The following LRRC9 variants were observed in gnomAD, a reference collection of about 807,000 sequenced individuals.
LRRC9 encodes leucine rich repeat containing 9, also known as leucine-rich repeat-containing protein 9.
LRRC9 carries 122 observed loss-of-function variants against 63.2 expected under a neutral mutation model. The ratio of observed to expected loss-of-function variants is 1.93; its 90% CI spans 1.67 to 2.24. The LOEUF (loss-of-function observed/expected upper bound fraction) is 2.24. Among genes scored for constraint, LRRC9 ranks in the 30% most tolerant of loss-of-function variants. The probability of loss-of-function intolerance (pLI) is 0.00; values close to 1 mark genes in which losing one functional copy is unlikely to be tolerated. For missense variants in LRRC9, 1,071 were observed against 627.7 expected (o/e 1.71, Z -7.55); for synonymous variants, 366 against 213.1 (o/e 1.72, Z -6.25).
chr14:60,064,842 TAA>T (rs1185138255), downstream of LRRC9, among the ~76,000 whole-genome samples: 2 of 152,194 alleles, frequency 1.3e-5, no homozygotes, highest in Non-Finnish European at 1.5e-5. Context: ...ACTTTTATAA[TAA>T]AAAGTGTCTT....
chr14:59,926,829 A>AT (rs1889249093), intron 1 of LRRC9, among the ~76,000 whole-genome samples: 1 of 152,156 alleles, frequency 6.6e-6, no homozygotes, highest in South Asian at 2.1e-4. Context: ...CCCCAAAGAA[A>AT]TTTGTAGCTA....
At chr14:59,967,113 T>C in exon 12 of LRRC9, 1 of 650,196 alleles carries the variant, frequency 1.5e-6, no homozygotes, top group Non-Finnish European at 2.9e-6. Flanking sequence ...CGAAGGATGC[T>C]GGAATGCCTT....
intron 29 of LRRC9, among the ~76,000 whole-genome samples, chr14:60,050,500 T>C (rs1893802625): frequency 6.6e-6 from 1 of 152,192 alleles, no homozygotes; most frequent in Non-Finnish European, 1.5e-5. Flanking sequence ...TTCTTTGCAT[T>C]GGGTTACAAC....
At chr14:59,975,046 T>TATATATAG (rs1354949976) in intron 13 of LRRC9, among the ~76,000 whole-genome samples, 2 of 49,404 alleles carry the variant, frequency 4.0e-5, no homozygotes, top group Non-Finnish European at 1.5e-4. Context: ...TATATATATA[T>TATATATAG]ATATATGCTG....
intron 19 of LRRC9, among the ~76,000 whole-genome samples, chr14:60,001,431 A>C (rs1468253999): frequency 6.6e-6 from 1 of 152,182 alleles, no homozygotes; most frequent in Non-Finnish European, 1.5e-5. Flanking sequence ...AGCTTAGATG[A>C]ATCTGATGAA....
chr14:60,064,743 A>T (rs1894840548), downstream of LRRC9, among the ~76,000 whole-genome samples: 1 of 152,198 alleles, frequency 6.6e-6, no homozygotes, highest in Non-Finnish European at 1.5e-5. Context: ...GTGTTGTGAC[A>T]GTCTACTCTT....
intron 3 of LRRC9, among the ~76,000 whole-genome samples, chr14:59,929,003 T>G (rs533752155): frequency 6.6e-6 from 1 of 152,036 alleles, no homozygotes; most frequent in Non-Finnish European, 1.5e-5. Flanking sequence ...ATTCTGGACA[T>G]AAGAACAGGC....
rs189545524 is a variant in LRRC9, at chr14:59,944,129, A to C, written c.727-460A>C. 3.9e-5 allele frequency among the ~76,000 whole-genome samples: 6 copies of C among 152,072 alleles called. 1 individual carries two copies. The highest frequency in any genetic ancestry group is 1.2e-4 in the African/African-American group (5 of 41,542). On this transcript the variant is annotated intron_variant, in intron 7 of 31. Coordinates refer to ENST00000445360, the Ensembl canonical transcript of LRRC9. ...TGCTCAGCCTAACATTCTTTTATAC[A>C]TTTGAAAAAAAATTATATTCCTTAG...
At chr14:60,024,076 T>C (rs951807276) in intron 27 of LRRC9, among the ~76,000 whole-genome samples, 1 of 152,158 alleles carries the variant, frequency 6.6e-6, no homozygotes, top group Non-Finnish European at 1.5e-5. Flanking sequence ...TCCAAGTCTT[T>C]GCTATTGTGA....
intron 23 of LRRC9, among the ~76,000 whole-genome samples, chr14:60,013,371 G>C (rs1229260227): frequency 6.6e-6 from 1 of 152,124 alleles, no homozygotes; most frequent in Non-Finnish European, 1.5e-5. Context: ...TCCATGAGTA[G>C]ATTTTCTTCA....
rs959364676 is a variant in LRRC9, at chr14:60,031,513, A to G, written c.3922-482A>G. 6.6e-6 allele frequency among the ~76,000 whole-genome samples: 1 copy of G among 152,106 alleles called. No homozygotes were observed. Among genetic ancestry groups the G allele is most frequent in the African/African-American group, 2.4e-5 (1 of 41,460 alleles). On this transcript the variant is annotated intron_variant, in intron 28 of 31. Transcript: ENST00000445360. This position sits in a 1 kb window ranked among gnomAD's most constrained non-coding sequence, Gnocchi z 4.6. ...CAATAGAGAAGGCAAATTATTTAACATGAGAAATAGTTTTTCAGCTATATA... is the reference window on the plus strand; with the variant it reads ...CAATAGAGAAGGCAAATTATTTAACGTGAGAAATAGTTTTTCAGCTATATA...
chr14:59,925,138 A>G (rs1162763954), intron 1 of LRRC9, among the ~76,000 whole-genome samples: 4 of 152,066 alleles, frequency 2.6e-5, no homozygotes, highest in Non-Finnish European at 4.4e-5. Context: ...AAAGAGTCCA[A>G]TGTATTAGGA....
intron 17 of LRRC9, among the ~76,000 whole-genome samples, chr14:59,994,528 T>C (rs1445579970): frequency 6.6e-6 from 1 of 152,210 alleles, no homozygotes; most frequent in East Asian, 1.9e-4. Flanking sequence ...CCCAAAGGAT[T>C]ACAAATCATG....
chr14:60,016,198 ATTTC>A (rs1324291211), intron 23 of LRRC9, among the ~76,000 whole-genome samples: 1 of 151,556 alleles, frequency 6.6e-6, no homozygotes, highest in Non-Finnish European at 1.5e-5. Context: ...TTTGGTTTTA[ATTTC>A]TTTAATTAAA....
At chr14:59,972,530 G>A (rs1445503497) in intron 12 of LRRC9, among the ~76,000 whole-genome samples, 1 of 151,904 alleles carries the variant, frequency 6.6e-6, no homozygotes, top group Admixed American at 6.6e-5. Context: ...AAAGTAACTC[G>A]AATGTAAAAA....
exon 10 of LRRC9, chr14:59,961,030 C>T (rs891507599): frequency 1.5e-6 from 1 of 683,622 alleles, no homozygotes; most frequent in Non-Finnish European, 2.7e-6. Flanking sequence ...GAAGAAGGCA[C>T]TCGATCTGAT....
intron 23 of LRRC9, among the ~76,000 whole-genome samples, chr14:60,015,772 CAT>C (rs1337758168): frequency 6.6e-6 from 1 of 152,102 alleles, no homozygotes; most frequent in Non-Finnish European, 1.5e-5. Context: ...GGAGTGGGGA[CAT>C]GTGTTACTGC....
rs1320828211 is a variant in LRRC9 at position 59,927,281 on chromosome 14, TAGTA to T, written c.-33-629_-33-626del. Among the ~76,000 whole-genome samples, 2 of 152,080 alleles carry T rather than the reference TAGTA, an allele frequency of 1.3e-5. No homozygotes were observed. Among genetic ancestry groups the T allele is most frequent in the Non-Finnish European group, 2.9e-5 (2 of 67,938 alleles). On this transcript the variant is annotated intron_variant, in intron 1 of 31. Transcript: ENST00000445360. The surrounding 1 kb of genome is among the most constrained non-coding windows in gnomAD (Gnocchi z 4.4). Reference sequence around the variant, plus strand: ...AGGCAGGATTCTTATATTTTTTAGATAGTATGTATCTGGAATAATATACAGAAAA... The same window carrying T: ...AGGCAGGATTCTTATATTTTTTAGATTGTATCTGGAATAATATACAGAAAA...
chr14:60,007,902 T>C (rs145851417), intron 22 of LRRC9, among the ~76,000 whole-genome samples, 190 bp from the exon 23 acceptor site: 19 of 140,914 alleles, frequency 1.3e-4, no homozygotes, highest in African/African-American at 4.3e-4. Context: ...ATCAGACCAC[T>C]GCACTCCAGC....
Sources: gnomAD v4.1 joint callset for allele counts (sites outside exome capture counted in the v4.1 genomes callset) on GRCh38, gnomAD v4.1.1 for gene constraint, Gnocchi (gnomAD v3.1) non-coding constraint, MANE v1.5 for transcripts, NCBI Gene and HGNC (gene_info 2026-07-23, HGNC 2026-07-21) for gene names.